The following ZNF486 variants were observed in gnomAD, a reference collection of about 807,000 sequenced individuals.
The protein encoded by ZNF486 is zinc finger protein 486.
Under a neutral mutation model 12.8 loss-of-function variants are expected in ZNF486, and 12 were observed. The observed-to-expected ratio is 0.94, with a 90% CI of 0.60 to 1.52. The LOEUF (loss-of-function observed/expected upper bound fraction) is 1.52. ZNF486 is among the 40% of genes most tolerant of loss of function. The pLI is 0.00. For synonymous variants in ZNF486, 231 were observed against 184.9 expected, an observed-to-expected ratio of 1.25 and a Z score of -2.02; for missense variants, 738 against 545.0, an observed-to-expected ratio of 1.35 and a Z score of -3.53.
chr19:20,198,207 T>C lies in ZNF486; in HGVS notation c.*105T>C. 1.0e-6 allele frequency: 1 copy of C among 967,690 alleles called. No homozygotes were observed. Among genetic ancestry groups the C allele is most frequent in the Non-Finnish European group, 1.5e-6 (1 of 658,578 alleles). The allele number at this position is 967,690 out of a possible 1,614,324, so 59.9% of individuals were successfully genotyped here. ...TTTTGGCTCACCACAACCTCCACCT[T>C]CTGGGTTCAAGTAACTCTCCTTAGT... On this transcript the variant is annotated 3_prime_UTR_variant, in exon 4 of 4. Coordinates refer to ENST00000335117, the MANE Select transcript of ZNF486 (RefSeq NM_052852.4).
At chr19:20,170,039 C>G (rs557544687) in intron 1 of ZNF486, among the ~76,000 whole-genome samples, 2 of 151,432 alleles carry the variant, frequency 1.3e-5, no homozygotes, top group Admixed American at 6.6e-5. Context: ...TACAGGCGCC[C>G]GCCACCACGC....
At chr19:20,170,524 A>G (rs2122623387) in intron 1 of ZNF486, among the ~76,000 whole-genome samples, 1 of 152,016 alleles carries the variant, frequency 6.6e-6, no homozygotes, top group South Asian at 2.1e-4. Flanking sequence ...CAGTGAGTCA[A>G]GATGGTGCCA....
chr19:20,188,636 G>A (rs1368675874), intron 3 of ZNF486: 1 of 394,966 alleles, frequency 2.5e-6, no homozygotes, highest in Non-Finnish European at 4.5e-6. Flanking sequence ...GACAGAGTGA[G>A]ACCCTGTCTC....
At chr19:20,191,279 G>A (rs2089899332) in intron 3 of ZNF486, among the ~76,000 whole-genome samples, 2 of 151,904 alleles carry the variant, frequency 1.3e-5, no homozygotes, top group Admixed American at 1.3e-4. Flanking sequence ...AGACCATCCT[G>A]GCTAACATGG....
At chr19:20,193,428 G>A (rs972089361) in intron 3 of ZNF486, among the ~76,000 whole-genome samples, 5 of 151,870 alleles carry the variant, frequency 3.3e-5, no homozygotes, top group Admixed American at 1.3e-4. Flanking sequence ...TTGGGAGGCC[G>A]AGGTGGGTGA....
At chr19:20,178,574 A>G (rs553465000) in intron 1 of ZNF486, among the ~76,000 whole-genome samples, 7 of 152,258 alleles carry the variant, frequency 4.6e-5, no homozygotes, top group African/African-American at 1.4e-4. Flanking sequence ...ATTGTTTCCA[A>G]ACACTGTCTA....
intron 1 of ZNF486, among the ~76,000 whole-genome samples, chr19:20,170,625 T>G (rs1359495462): frequency 1.3e-5 from 2 of 151,354 alleles, no homozygotes; most frequent in Non-Finnish European, 2.9e-5. Flanking sequence ...CTGATTTTTC[T>G]AATGAGAAAA....
Position 20,198,341 on chromosome 19 carries a change from G to A in ZNF486, c.*239G>A, listed in dbSNP as rs528894963. ...TGGTCTCAATCTCCTAACCTCAGGT[G>A]GTCTGCCTGCTTTGGCCTCCCAAAG... is the stretch of plus-strand genomic sequence containing the variant. On this transcript the variant is annotated 3_prime_UTR_variant, in exon 4 of 4. Coordinates refer to ENST00000335117, the MANE Select transcript of ZNF486 (RefSeq NM_052852.4). 3 of 446,074 alleles carry A rather than the reference G, an allele frequency of 6.7e-6. No homozygotes were observed. In the East Asian group the frequency reaches 1.2e-4, roughly 18 times the overall value. The allele number at this position is 446,074 out of a possible 1,614,324, so 27.6% of individuals were successfully genotyped here.
At chr19:20,171,726 CTT>C (rs2089649984) in intron 1 of ZNF486, among the ~76,000 whole-genome samples, 1 of 152,130 alleles carries the variant, frequency 6.6e-6, no homozygotes, top group African/African-American at 2.4e-5. Context: ...TTTCTTTTAG[CTT>C]TTATTTTTGG....
chr19:20,177,061 C>A (rs1475523322), intron 1 of ZNF486: 4 of 152,264 alleles, frequency 2.6e-5, no homozygotes, highest in African/African-American at 9.6e-5. Context: ...TCTCCTCCTG[C>A]AGCTCAGGCC....
At chr19:20,187,701 C>T (rs1470164861) in intron 3 of ZNF486, among the ~76,000 whole-genome samples, 1 of 151,988 alleles carries the variant, frequency 6.6e-6, no homozygotes, top group African/African-American at 2.4e-5. Context: ...GACAGGGTTT[C>T]ACCGTGTTAG....
chr19:20,193,745 GTTA>G (rs2089927441), intron 3 of ZNF486, among the ~76,000 whole-genome samples: 1 of 151,860 alleles, frequency 6.6e-6, no homozygotes, highest in Admixed American at 6.6e-5. Flanking sequence ...AAAACTTACT[GTTA>G]TTTTTATTAA....
In ZNF486 at chr19:20,197,790, C is replaced by A. The variant is rs1348015835; in HGVS notation, c.1080C>A (p.Thr360=). 6.2e-7 allele frequency: 1 copy of A among 1,612,754 alleles called. No homozygotes were observed. The highest frequency in any genetic ancestry group is 8.5e-7 in the Non-Finnish European group (1 of 1,179,652). ...YKCEECGKAF[T]RSSHLTMHKI... ...GTGAAGAATGTGGCAAAGCCTTCAC[C>A]CGCTCCTCACACCTTACTATGCATA... The change falls in exon 4 of 4, where the codon ACC becomes ACA. Residue 360 remains threonine (T), a synonymous_variant. Transcript: ENST00000335117.
chr19:20,183,321 A>G (rs752513967), intron 1 of ZNF486, among the ~76,000 whole-genome samples: 16 of 152,208 alleles, frequency 1.1e-4, no homozygotes, highest in Non-Finnish European at 1.6e-4. Flanking sequence ...CATTAGCTCT[A>G]TGCAGAACAG....
intron 1 of ZNF486, among the ~76,000 whole-genome samples, chr19:20,180,491 T>G (rs2089772844): frequency 6.6e-6 from 1 of 152,224 alleles, no homozygotes; most frequent in African/African-American, 2.4e-5. Flanking sequence ...GTCCAGAACC[T>G]TGGGTTTTAT....
Position 20,197,400 on chromosome 19 carries a change from A to G in ZNF486, c.690A>G (p.Ile230Met), listed in dbSNP as rs782452796. ...NRSSHLTTHK[I>M]THTREKPYKC... ...CCTCACACCTTACTACACATAAGAT[A>G]ACTCATACTAGAGAGAAACCCTACA... Residue 230 changes from isoleucine (I) to methionine (M), a missense_variant, in exon 4 of 4, where the codon ATA becomes ATG. Transcript: ENST00000335117. The G allele has an allele frequency of 1.9e-6, 3 of 1,613,152 alleles. No homozygotes were observed. The highest frequency in any genetic ancestry group is 3.3e-5 in the Admixed American group (2 of 59,942).
intron 1 of ZNF486, among the ~76,000 whole-genome samples, chr19:20,178,527 C>G (rs1479867569): frequency 6.6e-6 from 1 of 152,154 alleles, no homozygotes; most frequent in African/African-American, 2.4e-5. Context: ...CAGGTGTGAG[C>G]CACCGCGCCT....
At chr19:20,169,129 T>C (rs576804999) in intron 1 of ZNF486, among the ~76,000 whole-genome samples, 2 of 152,130 alleles carry the variant, frequency 1.3e-5, no homozygotes, top group South Asian at 4.2e-4. Flanking sequence ...TTTTTTTTAT[T>C]TTGACATGGA....
chr19:20,188,617 A>T (rs1217496572), intron 3 of ZNF486: 1 of 396,400 alleles, frequency 2.5e-6, no homozygotes, highest in Non-Finnish European at 4.4e-6. Flanking sequence ...ACTACACTCC[A>T]GCTTGAATGA....
Sources: gnomAD v4.1 joint callset for allele counts (sites outside exome capture counted in the v4.1 genomes callset) on GRCh38, gnomAD v4.1.1 for gene constraint, MANE v1.5 for transcripts, NCBI Gene and HGNC (gene_info 2026-07-23, HGNC 2026-07-21) for gene names.